RAI14: variants seen among roughly 807,000 people sequenced by gnomAD.
The protein encoded by RAI14 is retinoic acid induced 14.
RAI14 carries 45 observed loss-of-function variants against 115.4 expected under a neutral mutation model. The ratio of observed to expected loss-of-function variants is 0.39; its 90% CI spans 0.31 to 0.50. The LOEUF is 0.50. Among genes scored for constraint, RAI14 ranks in the 20% least tolerant of loss-of-function variants. The probability of loss-of-function intolerance (pLI) is 0.85; values close to 1 mark genes in which losing one functional copy is unlikely to be tolerated. For synonymous variants in RAI14, 371 were observed against 415.4 expected (o/e 0.89, Z 1.30); for missense variants, 939 against 1,131.2 (o/e 0.83, Z 2.44).
At position 34,823,732 on chromosome 5, in the gene RAI14, G is replaced by A; in HGVS notation, c.1890G>A (p.Met630Ile). ...AAGCCAGTGATGAAGCTGAGGACAT[G>A]AAAGAAGCCATGAATAGGATGATAG... ...TQEASDEAED[M>I]KEAMNRMIDE... Residue 630 changes from methionine (M) to isoleucine (I), a missense_variant, in exon 15 of 18, where the codon ATG becomes ATA. By Grantham distance (10) the Met-to-Ile change is conservative (BLOSUM62 1). Coordinates refer to ENST00000265109, the MANE Select transcript of RAI14 (RefSeq NM_015577.3). This position sits in a 1 kb window ranked among gnomAD's most constrained non-coding sequence, Gnocchi z 4.5. 2 of 1,614,202 alleles carry A rather than the reference G, an allele frequency of 1.2e-6. No homozygotes were observed. The highest frequency in any genetic ancestry group is 1.7e-6 in the Non-Finnish European group (2 of 1,180,046).
chr5:34,812,506 T>A (rs111321429), intron 10 of RAI14, among the ~76,000 whole-genome samples: 19,139 of 151,908 alleles, frequency 0.13, 1,674 homozygotes, highest in Non-Finnish European at 0.18. Flanking sequence ...CCTCTACTAA[T>A]ATTACAATAT....
rs151119455 is a variant in RAI14, at chr5:34,764,650, C to T, written c.167+7052C>T. The stretch of plus-strand genomic sequence containing the variant: ...CAAAATAGAATTGCAATGAAAGGTA[C>T]ATTTTTGCTTAAAGTAAATTATATT... On this transcript the variant is annotated intron_variant, in intron 3 of 17. Transcript: ENST00000265109. Among the ~76,000 whole-genome samples the T allele has an allele frequency of 8.7e-3, 1,321 of 151,586 alleles. 23 individuals are homozygous for T. Among genetic ancestry groups the T allele is most frequent in the Non-Finnish European group, 9.0e-3 (613 of 67,916 alleles).
At chr5:34,686,134 G>A (rs1247069516) in intron 1 of RAI14, among the ~76,000 whole-genome samples, 1 of 152,210 alleles carries the variant, frequency 6.6e-6, no homozygotes, top group Non-Finnish European at 1.5e-5. Flanking sequence ...TTCACAAGGA[G>A]GTGGATGGCA....
chr5:34,768,203 T>C (rs1178014348), intron 3 of RAI14, among the ~76,000 whole-genome samples: 4 of 139,840 alleles, frequency 2.9e-5, no homozygotes, highest in Non-Finnish European at 6.1e-5. Context: ...TGTGAGGGGG[T>C]CCCAACCCTA....
intron 3 of RAI14, among the ~76,000 whole-genome samples, chr5:34,792,256 C>T (rs1455684459): frequency 2.4e-4 from 23 of 96,690 alleles, no homozygotes; most frequent in African/African-American, 8.1e-4. Context: ...TTTTTTGAGA[C>T]GGAGTCTCTC....
At chr5:34,775,302 G>T (rs1357577282) in intron 3 of RAI14, among the ~76,000 whole-genome samples, 3 of 152,136 alleles carry the variant, frequency 2.0e-5, no homozygotes, top group Non-Finnish European at 4.4e-5. Context: ...CACAGCAAAA[G>T]AAATGATCAG....
Position 34,820,815 on chromosome 5 carries a change from A to G in RAI14, c.995-917A>G, listed in dbSNP as rs779779185. On this transcript the variant is annotated intron_variant, in intron 13 of 17. Transcript: ENST00000265109. ...AAGTTGCAATTTCAGCATGATAATCAGTAGGATGTCCGAAAGTTGTGGTTT... is the reference window on the plus strand; with the variant it reads ...AAGTTGCAATTTCAGCATGATAATCGGTAGGATGTCCGAAAGTTGTGGTTT... Among the ~76,000 whole-genome samples, 30 of 152,224 alleles carry G rather than the reference A, an allele frequency of 2.0e-4. 1 individual carries two copies. The highest frequency in any genetic ancestry group is 3.4e-4 in the Non-Finnish European group (23 of 68,036).
chr5:34,696,927 TAGAGATC>T (rs1173698124), intron 2 of RAI14, among the ~76,000 whole-genome samples: 2 of 151,856 alleles, frequency 1.3e-5, no homozygotes, highest in East Asian at 3.9e-4. Flanking sequence ...GGTCAGGAGT[TAGAGATC>T]AGCTTGGCCA....
chr5:34,779,869 A>G (rs999721279), intron 3 of RAI14, among the ~76,000 whole-genome samples: 7 of 152,144 alleles, frequency 4.6e-5, no homozygotes, highest in African/African-American at 1.7e-4. Flanking sequence ...GAAAAAAACT[A>G]CTTTAAAGTT....
chr5:34,763,931 A>G (rs1580175113), intron 3 of RAI14, among the ~76,000 whole-genome samples: 2 of 152,026 alleles, frequency 1.3e-5, no homozygotes, highest in South Asian at 2.1e-4. Flanking sequence ...GCTCACTGCA[A>G]CCTCCTGCTT....
At chr5:34,695,193 C>T (rs962662087) in intron 2 of RAI14, among the ~76,000 whole-genome samples, 4 of 152,170 alleles carry the variant, frequency 2.6e-5, no homozygotes, top group African/African-American at 9.7e-5. Context: ...AGCCACCGTG[C>T]CTGGCCTGTT....
intron 2 of RAI14, 103 bp downstream of exon 2, chr5:34,687,058 C>T: frequency 1.6e-6 from 2 of 1,276,756 alleles, no homozygotes; most frequent in Non-Finnish European, 1.1e-6. Flanking sequence ...TAATAAACTA[C>T]AGACACTCAA....
chr5:34,790,902 C>G (rs568963611), intron 3 of RAI14, among the ~76,000 whole-genome samples: 39 of 151,958 alleles, frequency 2.6e-4, no homozygotes, highest in Admixed American at 1.2e-3. Flanking sequence ...CATTGTAGAC[C>G]ACAATTCTAG....
chr5:34,806,840 T>A (rs1754963220), intron 5 of RAI14, among the ~76,000 whole-genome samples: 1 of 152,204 alleles, frequency 6.6e-6, no homozygotes, highest in African/African-American at 2.4e-5. Context: ...CGCTTGAAGA[T>A]GACAACTTTT....
chr5:34,771,296 C>T (rs1029252781), intron 3 of RAI14, among the ~76,000 whole-genome samples: 7 of 152,012 alleles, frequency 4.6e-5, no homozygotes, highest in Admixed American at 1.3e-4. Context: ...TTTGTGTGAG[C>T]GTTGGTGGCT....
rs372105169 is a variant in RAI14 at position 34,665,172 on chromosome 5, TAC to T, written c.-49+8703_-49+8704del. Among the ~76,000 whole-genome samples, 106 of 15,194 alleles carry T rather than the reference TAC, an allele frequency of 7.0e-3. 37 individuals are homozygous for T. Among genetic ancestry groups the T allele is most frequent in the African/African-American group, 0.014 (81 of 5,600 alleles). The allele number at this position is 15,194 out of a possible 152,430, so 10.0% of individuals were successfully genotyped here. ...ATATATGTGTGTGTATATATATATA[TAC>T]ACACATATATATATGTATATATATA... On this transcript the variant is annotated intron_variant, in intron 1 of 17. Coordinates refer to ENST00000265109, the MANE Select transcript of RAI14 (RefSeq NM_015577.3).
intron 16 of RAI14, among the ~76,000 whole-genome samples, chr5:34,826,892 C>T (rs1757508248): frequency 1.3e-5 from 2 of 152,282 alleles, no homozygotes; most frequent in African/African-American, 4.8e-5. Context: ...GGCCCCTCTC[C>T]TTATTTCACC....
chr5:34,717,280 A>C (rs1742116271), intron 2 of RAI14, among the ~76,000 whole-genome samples: 1 of 152,268 alleles, frequency 6.6e-6, no homozygotes, highest in Non-Finnish European at 1.5e-5. Flanking sequence ...CAAGATTTTG[A>C]AAAGCACACT....
chr5:34,783,691 C>T (rs1751949387), intron 3 of RAI14, among the ~76,000 whole-genome samples: 1 of 152,176 alleles, frequency 6.6e-6, no homozygotes, highest in Admixed American at 6.6e-5. Context: ...CCCCCCTTAG[C>T]TCTTGCAACT....
Sources: gnomAD v4.1 joint callset for allele counts (sites outside exome capture counted in the v4.1 genomes callset) on GRCh38, gnomAD v4.1.1 for gene constraint, Gnocchi (gnomAD v3.1) non-coding constraint, MANE v1.5 for transcripts, NCBI Gene and HGNC (gene_info 2026-07-23, HGNC 2026-07-21) for gene names.